Variants in TRPM5 observed in about 807,000 individuals in gnomAD.
TRPM5 encodes the protein MLSN1 and TRP-related.
A neutral mutation model predicts 124.9 loss-of-function variants in TRPM5; 121 were observed. The ratio of observed to expected loss-of-function variants is 0.97; its 90% confidence interval spans 0.84 to 1.13. TRPM5 has a LOEUF of 1.13. TRPM5 is among the 50% of genes most tolerant of loss of function. The pLI, the probability that TRPM5 is intolerant of heterozygous loss-of-function variation, is 0.00. For synonymous variants in TRPM5, 781 were observed against 700.5 expected, an observed-to-expected ratio of 1.11 and a Z score of -1.81; for missense variants, 1,643 against 1,589.1, an observed-to-expected ratio of 1.03 and a Z score of -0.58.
intron 21 of TRPM5, 69 bp from the exon 27 acceptor site, chr11:2,406,160 T>C: frequency 2.0e-6 from 3 of 1,535,230 alleles, no homozygotes; most frequent in Non-Finnish European, 8.9e-7. Flanking sequence ...AGCCTCCCCA[T>C]CCCCCCAGGC....
In TRPM5 at chr11:2,414,714, C is replaced by T; in HGVS notation, c.1744+1G>A. The T allele has an allele frequency of 6.5e-7, 1 of 1,536,020 alleles. No individual in the cohort carries two copies. Among genetic ancestry groups the T allele is most frequent in the Non-Finnish European group, 8.8e-7 (1 of 1,141,034 alleles). On this transcript the variant is annotated splice_donor_variant, in intron 11 of 23. Transcript: ENST00000155858. LOFTEE classifies it high-confidence loss of function. ...CCCGGCCCCAGCCGCCGGTCACTCA[C>T]CAAGGGCCAGCCGCTCGTATTTCGC... is the stretch of plus-strand genomic sequence containing the variant.
the TRPM5 span, among the ~76,000 whole-genome samples, chr11:2,436,417 A>G: frequency 2.0e-5 from 3 of 151,976 alleles, no homozygotes; most frequent in Non-Finnish European, 4.4e-5. Context: ...GCCCACCCCC[A>G]TTTGCCCTCC....
chr11:2,420,193 C>CAG (rs1845749798), intron 4 of TRPM5, 29 bp downstream of exon 9: 2 of 1,568,984 alleles, frequency 1.3e-6, no homozygotes, highest in African/African-American at 1.3e-5. Context: ...GGTCCCAAGG[C>CAG]TTCCCTGGGT....
chr11:2,429,226 G>T, the TRPM5 span, among the ~76,000 whole-genome samples: 7 of 151,534 alleles, frequency 4.6e-5, no homozygotes, highest in East Asian at 1.2e-3. The surrounding 1 kb of genome is among the most constrained non-coding windows in gnomAD (Gnocchi z 8.4). Flanking sequence ...GATGATCATG[G>T]TGGTGGTGAC....
chr11:2,408,046 TC>T, intron 18 of TRPM5, 134 bp from the exon 24 acceptor site: 1 of 1,201,442 alleles, frequency 8.3e-7, no homozygotes, highest in Non-Finnish European at 1.2e-6. Context: ...TGACCCACTG[TC>T]CCAGTTCACC....
chr11:2,418,232 G>A lies in TRPM5; in HGVS notation c.841C>T (p.Gln281Ter), dbSNP rs1293751212. 1 of 1,586,938 alleles carries A rather than the reference G, an allele frequency of 6.3e-7. No individual in the cohort carries two copies. The highest frequency in any genetic ancestry group is 8.6e-7 in the Non-Finnish European group (1 of 1,166,114). ...TTGCTGGGGAACTTCTCCTTAAACT[G>A]CTTCTCGGCCACCTTGGGCACCAGG... The change falls in exon 6 of 24, where the codon CAG (glutamine) becomes TAG (stop). Residue 281 changes from glutamine to a stop codon, truncating the protein, a stop_gained. Transcript: ENST00000155858. LOFTEE classifies it high-confidence loss of function.
At position 2,410,481 on chromosome 11, in the gene TRPM5, G is replaced by A. The variant is rs190341011; in HGVS notation, c.2782+871C>T. Reference sequence around the variant, plus strand: ...TCTCCAAGTCTGCGGCACCCCTCGAGGGCCCCAGGGGCGGGCTGGCTGCTG... The same window carrying A: ...TCTCCAAGTCTGCGGCACCCCTCGAAGGCCCCAGGGGCGGGCTGGCTGCTG... On this transcript the variant is annotated intron_variant, in intron 18 of 23. Coordinates refer to ENST00000155858, the Ensembl canonical transcript of TRPM5. Among the ~76,000 whole-genome samples, 11 of 152,258 alleles carry A rather than the reference G, an allele frequency of 7.2e-5. No homozygotes were observed. The East Asian group carries it at 1.6e-3, about 21-fold the overall frequency.
upstream of TRPM5, among the ~76,000 whole-genome samples, chr11:2,424,554 A>G (rs1191844745): frequency 6.6e-6 from 1 of 152,256 alleles, no homozygotes; most frequent in East Asian, 1.9e-4. Flanking sequence ...GAAAGGGGAC[A>G]TTTGGACGTA....
intron 18 of TRPM5, among the ~76,000 whole-genome samples, chr11:2,408,388 C>T (rs571353285): frequency 6.6e-6 from 1 of 152,334 alleles, no homozygotes; most frequent in South Asian, 2.1e-4. Context: ...AGAGCCTCTA[C>T]AGCACTAATG....
intron 12 of TRPM5, 52 bp downstream of exon 17, chr11:2,414,009 G>GGGCCGCCCCCC: frequency 2.0e-6 from 2 of 1,023,734 alleles, no homozygotes; most frequent in Non-Finnish European, 2.9e-6. Context: ...GGCCCAGCTC[G>GGGCCGCCCCCC]CCCGCCCACC....
At chr11:2,436,270 C>G in the TRPM5 span, among the ~76,000 whole-genome samples, 2 of 152,268 alleles carry the variant, frequency 1.3e-5, no homozygotes, top group Non-Finnish European at 2.9e-5. Flanking sequence ...GGGGCCAGCT[C>G]TGGGCTCCAG....
At chr11:2,411,257 C>A in intron 18 of TRPM5, 95 bp downstream of exon 23, 1 of 1,391,614 alleles carries the variant, frequency 7.2e-7, no homozygotes, top group Non-Finnish European at 9.5e-7. Flanking sequence ...TCTCCATGGC[C>A]CCAACAGACC....
chr11:2,413,067 C>G, intron 14 of TRPM5, 55 bp from the exon 20 acceptor site: 1 of 1,548,370 alleles, frequency 6.5e-7, no homozygotes, highest in South Asian at 1.2e-5. Context: ...GGGTGCCCCA[C>G]CAGAGTCCAG....
At chr11:2,430,740 ATGG>A in the TRPM5 span, among the ~76,000 whole-genome samples, 2 of 44,258 alleles carry the variant, frequency 4.5e-5, no homozygotes, top group Non-Finnish European at 9.2e-5. Flanking sequence ...GGTGATGGTG[ATGG>A]TGTTGGTGGT....
chr11:2,425,077 G>T (rs771180111), upstream of TRPM5, among the ~76,000 whole-genome samples: 1 of 152,214 alleles, frequency 6.6e-6, no homozygotes, highest in African/African-American at 2.4e-5. Flanking sequence ...TGGTGGAGAC[G>T]CCTGGTGGTT....
rs1160661433 is a variant in TRPM5, at chr11:2,404,984, C to CT, written c.3450dup (p.Asp1151ArgfsTer149). Reference sequence around the variant, plus strand: ...CCAGCCCCGGGTTGTTCCCAGCCATCTAAACCACCTCTGTGGTCAGCAGCC... The same window carrying CT: ...CCAGCCCCGGGTTGTTCCCAGCCATCTTAAACCACCTCTGTGGTCAGCAGCC... On this transcript the variant is annotated frameshift_variant, in exon 24 of 24. Transcript: ENST00000155858. LOFTEE classifies it high-confidence loss of function. 3.1e-6 allele frequency: 5 copies of CT among 1,612,684 alleles called. No homozygotes were observed. Among genetic ancestry groups the CT allele is most frequent in the Non-Finnish European group, 4.2e-6 (5 of 1,179,948 alleles).
intron 19 of TRPM5, 55 bp downstream of exon 24, chr11:2,407,704 A>G (rs1850351554): frequency 3.1e-6 from 5 of 1,591,538 alleles, no homozygotes; most frequent in Non-Finnish European, 4.3e-6. Flanking sequence ...TTGGGGAATG[A>G]CCCTCTGCTC....
intron 8 of TRPM5, among the ~76,000 whole-genome samples, 193 bp from the exon 14 acceptor site, chr11:2,415,664 C>A (rs1052191661): frequency 6.6e-6 from 1 of 152,224 alleles, no homozygotes; most frequent in Non-Finnish European, 1.5e-5. Context: ...CAGTCGTGAG[C>A]AAATGCTGAG....
chr11:2,408,003 G>A (rs1850359226), intron 18 of TRPM5, 91 bp from the exon 24 acceptor site: 1 of 1,506,148 alleles, frequency 6.6e-7, no homozygotes. Flanking sequence ...CTGAGTCCTG[G>A]TGTTGAACCC....
Sources: allele counts gnomAD v4.1 joint callset (sites outside exome capture counted in the v4.1 genomes callset), GRCh38; gene constraint gnomAD v4.1.1; non-coding constraint Gnocchi (gnomAD v3.1); transcripts MANE v1.5; gene names NCBI Gene and HGNC (gene_info 2026-07-23, HGNC 2026-07-21).